Variants in EPB41L2 observed in about 807,000 individuals in gnomAD.
EPB41L2 encodes erythrocyte membrane protein band 4.1 like 2.
In EPB41L2, 43 loss-of-function variants were observed where a neutral mutation model predicts 113.0. The ratio of observed to expected loss-of-function variants is 0.38; its 90% CI spans 0.30 to 0.49. The LOEUF is 0.49. Among genes scored for constraint, EPB41L2 ranks in the 20% least tolerant of loss-of-function variants. The pLI, the probability that EPB41L2 is intolerant of heterozygous loss-of-function variation, is 0.95. For missense variants in EPB41L2, 1,147 were observed against 1,223.4 expected (o/e 0.94, Z 0.93); for synonymous variants, 442 against 436.7 (o/e 1.01, Z -0.15).
At chr6:130,905,049 G>A (rs531259503) in intron 5 of EPB41L2, among the ~76,000 whole-genome samples, 2 of 151,984 alleles carry the variant, frequency 1.3e-5, no homozygotes, top group Non-Finnish European at 2.9e-5. Context: ...TCCCAAGAAG[G>A]GAAAGCATGG....
chr6:130,923,260 C>A (rs575546935), intron 4 of EPB41L2, among the ~76,000 whole-genome samples: 2 of 152,280 alleles, frequency 1.3e-5, no homozygotes, highest in South Asian at 4.1e-4. Context: ...CTACTCAAGT[C>A]CCCTCTCATC....
At chr6:130,853,647 G>A (rs1779391387) in intron 19 of EPB41L2, among the ~76,000 whole-genome samples, 1 of 152,096 alleles carries the variant, frequency 6.6e-6, no homozygotes, top group Non-Finnish European at 1.5e-5. Context: ...GACTTGGGAG[G>A]TTCGTCCTCT....
intron 14 of EPB41L2, among the ~76,000 whole-genome samples, chr6:130,877,037 A>G (rs577379834): frequency 1.3e-5 from 2 of 152,352 alleles, no homozygotes; most frequent in South Asian, 2.1e-4. Flanking sequence ...ATTCAACTTC[A>G]TAAGACTCTA....
intron 1 of EPB41L2, among the ~76,000 whole-genome samples, chr6:131,048,783 A>G (rs1795982655): frequency 6.6e-6 from 1 of 152,236 alleles, no homozygotes; most frequent in Non-Finnish European, 1.5e-5. Flanking sequence ...TTAAAAAAGA[A>G]GAACACTTTT....
chr6:130,980,119 G>A (rs2128673029), intron 1 of EPB41L2, among the ~76,000 whole-genome samples: 1 of 152,284 alleles, frequency 6.6e-6, no homozygotes, highest in South Asian at 2.1e-4. Flanking sequence ...AGGGTTAAAA[G>A]GGTCATAAGA....
At chr6:130,863,364 A>G (rs1208625905) in intron 18 of EPB41L2, among the ~76,000 whole-genome samples, 3 of 152,240 alleles carry the variant, frequency 2.0e-5, no homozygotes, top group Non-Finnish European at 4.4e-5. Context: ...AACCAGGCCC[A>G]CACGAATCTT....
intron 5 of EPB41L2, among the ~76,000 whole-genome samples, chr6:130,906,533 C>T (rs1797778329): frequency 6.6e-6 from 1 of 152,026 alleles, no homozygotes; most frequent in Admixed American, 6.6e-5. Context: ...ATAATTTTTA[C>T]CTAGCTGTTT....
intron 18 of EPB41L2, among the ~76,000 whole-genome samples, chr6:130,858,941 A>G (rs1021534604): frequency 3.3e-5 from 5 of 152,248 alleles, no homozygotes; most frequent in Non-Finnish European, 7.3e-5. Flanking sequence ...CTGCAGGCAC[A>G]AAGATTAATG....
chr6:130,992,654 CAG>C (rs988248145), intron 1 of EPB41L2, among the ~76,000 whole-genome samples: 1 of 146,850 alleles, frequency 6.8e-6, no homozygotes, highest in African/African-American at 2.6e-5. Flanking sequence ...TTTTTTGAGA[CAG>C]AGCCTCGCTC....
intron 1 of EPB41L2, among the ~76,000 whole-genome samples, chr6:131,039,020 A>G (rs1793913749): frequency 6.6e-6 from 1 of 152,212 alleles, no homozygotes; most frequent in Non-Finnish European, 1.5e-5. Flanking sequence ...AGAGGCTTAG[A>G]AACATGATAT....
intron 1 of EPB41L2, among the ~76,000 whole-genome samples, chr6:130,972,454 C>T (rs1157422198): frequency 2.0e-5 from 3 of 151,204 alleles, no homozygotes; most frequent in Non-Finnish European, 4.4e-5. Flanking sequence ...TGTGTCAATT[C>T]TAAGATTCAG....
Position 130,947,025 on chromosome 6 carries a change from C to CCCA in EPB41L2, c.705+8077_705+8079dup, listed in dbSNP as rs1554291530. On this transcript the variant is annotated intron_variant, in intron 3 of 19. Coordinates refer to ENST00000337057, the MANE Select transcript of EPB41L2 (RefSeq NM_001431.4). ...TGCACTGAATAAAGAAGACCCCCCC[C>CCCA]CCAGCCCCTTAAATTACTGCAGCCA... 5.9e-4 allele frequency among the ~76,000 whole-genome samples: 86 copies of CCCA among 145,766 alleles called. 1 individual carries two copies. Among genetic ancestry groups the CCCA allele is most frequent in the African/African-American group, 2.1e-3 (81 of 38,810 alleles).
intron 3 of EPB41L2, among the ~76,000 whole-genome samples, chr6:130,947,017 A>ACCCCC (rs58960778): frequency 1.8e-5 from 2 of 112,028 alleles, no homozygotes; most frequent in African/African-American, 6.6e-5. Flanking sequence ...AATAAAGAAG[A>ACCCCC]CCCCCCCCCC....
intron 19 of EPB41L2, among the ~76,000 whole-genome samples, chr6:130,848,463 TC>T (rs1043396064): frequency 4.6e-5 from 7 of 152,372 alleles, no homozygotes; most frequent in African/African-American, 1.4e-4. Context: ...AATTATTATT[TC>T]AATAAGTAAT....
intron 1 of EPB41L2, among the ~76,000 whole-genome samples, chr6:130,979,362 G>T (rs1380194210): frequency 6.6e-6 from 1 of 150,788 alleles, no homozygotes. Flanking sequence ...AAAAAAAGTG[G>T]CACACGCCTG....
intron 1 of EPB41L2, among the ~76,000 whole-genome samples, chr6:131,005,307 G>A (rs775882589): frequency 5.9e-5 from 9 of 151,954 alleles, no homozygotes; most frequent in Non-Finnish European, 1.0e-4. Context: ...GTGACCCAAA[G>A]CACATCCAAA....
intron 3 of EPB41L2, among the ~76,000 whole-genome samples, chr6:130,948,736 C>A (rs1000440326): frequency 6.6e-6 from 1 of 151,990 alleles, no homozygotes; most frequent in Non-Finnish European, 1.5e-5. Flanking sequence ...ATGAGAAATT[C>A]TAACTAAAAT....
intron 19 of EPB41L2, among the ~76,000 whole-genome samples, chr6:130,853,794 G>A (rs989953752): frequency 2.6e-5 from 4 of 152,190 alleles, no homozygotes; most frequent in Non-Finnish European, 1.5e-5. Context: ...AAGGGAGACG[G>A]AGCAGATACA....
intron 1 of EPB41L2, among the ~76,000 whole-genome samples, chr6:130,980,778 A>G (rs760031716): frequency 1.3e-5 from 2 of 152,192 alleles, no homozygotes; most frequent in Non-Finnish European, 2.9e-5. Flanking sequence ...AGGGGTAGGC[A>G]TGATAAGGAA....
Sources: gnomAD v4.1 joint callset for allele counts (sites outside exome capture counted in the v4.1 genomes callset) on GRCh38, gnomAD v4.1.1 for gene constraint, MANE v1.5 for transcripts, NCBI Gene and HGNC (gene_info 2026-07-23, HGNC 2026-07-21) for gene names.